The following STARD9 variants were observed in gnomAD, a reference collection of about 807,000 sequenced individuals.
STARD9 encodes StAR related lipid transfer domain containing 9.
Under a neutral mutation model 399.8 loss-of-function variants are expected in STARD9, and 346 were observed. That is an observed-to-expected ratio of 0.87 (90% confidence interval 0.79 to 0.95). The LOEUF (loss-of-function observed/expected upper bound fraction) is 0.95. Ranked by LOEUF, STARD9 falls within the 40% of genes least tolerant of loss-of-function variation. The pLI is 0.00. For missense variants in STARD9, 5,832 were observed against 5,667.5 expected, an observed-to-expected ratio of 1.03 and a Z score of -0.93; for synonymous variants, 2,203 against 2,143.5, an observed-to-expected ratio of 1.03 and a Z score of -0.77.
At chr15:42,639,877 A>G (rs996764131) in intron 7 of STARD9, among the ~76,000 whole-genome samples, 1 of 152,092 alleles carries the variant, frequency 6.6e-6, no homozygotes, top group African/African-American at 2.4e-5. Context: ...AAAAAAAAAA[A>G]AGTAATGTAT....
At chr15:42,594,758 G>A (rs1298105968) in intron 3 of STARD9, among the ~76,000 whole-genome samples, 1 of 152,130 alleles carries the variant, frequency 6.6e-6, no homozygotes, top group African/African-American at 2.4e-5. Flanking sequence ...TAGCATAACA[G>A]GTAATGTGCC....
At position 42,687,551 on chromosome 15, in the gene STARD9, A is replaced by C; in HGVS notation, c.5973A>C (p.Ser1991=). 1 of 1,537,066 alleles carries C rather than the reference A, an allele frequency of 6.5e-7. No individual in the cohort carries two copies. The highest frequency in any genetic ancestry group is 8.7e-7 in the Non-Finnish European group (1 of 1,146,882). ...AAGGTCTTCGTCCCAAAGATAGCTC[A>C]GAAGAGTTTAAGCTTCCAGGTACAA... ...LEKGLRPKDS[S]EEFKLPGTKP... is the part of the protein sequence containing the mutation. Residue 1991 remains serine (S), a synonymous_variant, in exon 23 of 33, where the codon TCA becomes TCC. Coordinates refer to ENST00000290607, the MANE Select transcript of STARD9 (RefSeq NM_020759.3).
intron 1 of STARD9, among the ~76,000 whole-genome samples, chr15:42,578,341 C>T (rs940696108): frequency 2.6e-5 from 4 of 152,000 alleles, no homozygotes; most frequent in African/African-American, 7.3e-5. Context: ...AAACTCCTGA[C>T]CTCACCTGCC....
rs1206108561 is a variant in STARD9 at position 42,717,021 on chromosome 15, G to C, written c.13467G>C (p.Lys4489Asn). 4.6e-6 allele frequency: 7 copies of C among 1,537,138 alleles called. No individual in the cohort carries two copies. In the Admixed American group the frequency reaches 5.9e-5, roughly 13 times the overall value. The part of the protein sequence containing the change: ...CFSSSYQDLA[K>N]HVVDTSMADV... Reference sequence around the variant, plus strand: ...CCTCCTCCTACCAGGATTTGGCCAAGCATGTCGTGGACACTTCTATGGCTG... The same window carrying C: ...CCTCCTCCTACCAGGATTTGGCCAACCATGTCGTGGACACTTCTATGGCTG... Residue 4489 changes from lysine to asparagine, a missense_variant, in exon 28 of 33, where the codon AAG (lysine) becomes AAC (asparagine). Transcript: ENST00000290607.
intron 3 of STARD9, among the ~76,000 whole-genome samples, chr15:42,616,646 C>CT (rs2058967909): frequency 6.6e-6 from 1 of 152,064 alleles, no homozygotes; most frequent in Non-Finnish European, 1.5e-5. Flanking sequence ...AATCCCAGCA[C>CT]TTTGGGGGGC....
At chr15:42,705,551 C>T (rs2061057806) in intron 26 of STARD9, among the ~76,000 whole-genome samples, 1 of 151,840 alleles carries the variant, frequency 6.6e-6, no homozygotes, top group African/African-American at 2.4e-5. Flanking sequence ...CTTCCTGGCT[C>T]AGCACTCCGA....
intron 26 of STARD9, among the ~76,000 whole-genome samples, chr15:42,701,759 C>G (rs562294931): frequency 6.6e-6 from 1 of 152,142 alleles, no homozygotes; most frequent in South Asian, 2.1e-4. Flanking sequence ...CTTTGGGAGG[C>G]TGAGGCAGGC....
rs1175322892 is a variant in STARD9, at chr15:42,690,597, A to C, written c.9019A>C (p.Met3007Leu). ...TGTAGTACCTTCCAGGGCCTATGAA[A>C]TGGATGAGACAGGAGAGATCTCTAG... The part of the protein sequence containing the change: ...PCVVPSRAYE[M>L]DETGEISRGP... The change falls in exon 23 of 33, where the codon ATG (methionine) becomes CTG (leucine). Residue 3007 changes from methionine to leucine, a missense_variant. Transcript: ENST00000290607. 6.5e-7 allele frequency: 1 copy of C among 1,537,240 alleles called. No homozygotes were observed.
Position 42,674,597 on chromosome 15 carries a change from G to C in STARD9, c.1549+106G>C, listed in dbSNP as rs527336262. 4 of 1,247,606 alleles carry C rather than the reference G, an allele frequency of 3.2e-6. No homozygotes were observed. The South Asian group carries it at 4.0e-5, about 13-fold the overall frequency. 77.3% of individuals were successfully genotyped at this position (1,247,606 alleles called of 1,614,324 possible). A position where few individuals can be genotyped will look rare whatever the true frequency, so the allele number is the denominator to read the frequency against. On this transcript the variant is annotated intron_variant, in intron 17 of 32. Transcript: ENST00000290607. ...CTCTGAGAAGAAGGGAATCATTGGCGTATTCAGGGCCTGCTTCTCTTTCTG... is the reference window on the plus strand; with the variant it reads ...CTCTGAGAAGAAGGGAATCATTGGCCTATTCAGGGCCTGCTTCTCTTTCTG...
rs572054615 is a variant in STARD9, at chr15:42,598,000, ATGTGTG to A, written c.234+12399_234+12404del. 1.8e-3 allele frequency among the ~76,000 whole-genome samples: 212 copies of A among 115,180 alleles called. 3 individuals carry two copies. The highest frequency in any genetic ancestry group is 5.1e-3 in the African/African-American group (149 of 29,116). The allele number at this position is 115,180 out of a possible 152,430, so 75.6% of individuals were successfully genotyped here. A position where few individuals can be genotyped will look rare whatever the true frequency, so the allele number is the denominator to read the frequency against. ...TGTGTGTGTGTGTTTGTATATATAT[ATGTGTG>A]TGTGTGTGTGTGTGTGTGTGTGTGT... On this transcript the variant is annotated intron_variant, in intron 3 of 32. Coordinates refer to ENST00000290607, the MANE Select transcript of STARD9 (RefSeq NM_020759.3).
In STARD9 at chr15:42,718,425, G is replaced by T; in HGVS notation, c.13763-10G>T. The T allele has an allele frequency of 6.5e-7, 1 of 1,535,940 alleles. No individual in the cohort carries two copies. The highest frequency in any genetic ancestry group is 8.7e-7 in the Non-Finnish European group (1 of 1,145,736). ...GGGCCTCCTGACCTTCCTTATCCCT[G>T]TCCCTCCAGTGTACTTGGTGTGCAA... On this transcript the variant is annotated splice_polypyrimidine_tract_variant and intron_variant, in intron 30 of 32. Transcript: ENST00000290607.
intron 3 of STARD9, among the ~76,000 whole-genome samples, chr15:42,625,960 C>T (rs1252991372): frequency 2.6e-5 from 4 of 152,004 alleles, no homozygotes; most frequent in Non-Finnish European, 4.4e-5. Flanking sequence ...CTAGTTCTGT[C>T]GCCCAGGCTG....
intron 26 of STARD9, among the ~76,000 whole-genome samples, chr15:42,709,863 T>C (rs752837000): frequency 1.6e-4 from 25 of 152,016 alleles, no homozygotes; most frequent in Non-Finnish European, 3.2e-4. Context: ...GGAACTTTTC[T>C]CTAAGAAAGT....
At chr15:42,717,234 C>G (rs1026989610) in intron 28 of STARD9, among the ~76,000 whole-genome samples, 186 bp downstream of exon 28, 2 of 152,030 alleles carry the variant, frequency 1.3e-5, no homozygotes, top group African/African-American at 2.4e-5. Flanking sequence ...CCTATAATCC[C>G]AACATTTTGG....
chr15:42,690,804 G>T lies in STARD9; in HGVS notation c.9226G>T (p.Asp3076Tyr). 1 of 1,537,260 alleles carries T rather than the reference G, an allele frequency of 6.5e-7. No homozygotes were observed. Residue 3076 changes from aspartate (D) to tyrosine (Y), a missense_variant, in exon 23 of 33, where the codon GAT (aspartate) becomes TAT (tyrosine). Asp to Tyr is a radical substitution (Grantham distance 160, BLOSUM62 -3). Transcript: ENST00000290607. ...AGGTTCCTTCAGCCACTCAGCTACT[G>T]ATGGAAGCGTGGGGTTAATAGGGGT... ...RTGSFSHSAT[D>Y]GSVGLIGVPE...
Position 42,687,536 on chromosome 15 carries a change from T to C in STARD9, c.5958T>C (p.Arg1986=). 2.0e-6 allele frequency: 3 copies of C among 1,536,958 alleles called. No individual in the cohort carries two copies. Among genetic ancestry groups the C allele is most frequent in the Non-Finnish European group, 2.6e-6 (3 of 1,146,852 alleles). Residue 1986 remains arginine, a synonymous_variant, in exon 23 of 33, where the codon CGT becomes CGC. Coordinates refer to ENST00000290607, the MANE Select transcript of STARD9 (RefSeq NM_020759.3). ...CTGGGCTTCTTGAAAAAGGTCTTCG[T>C]CCCAAAGATAGCTCAGAAGAGTTTA... is the stretch of plus-strand genomic sequence containing the variant. ...NETGLLEKGL[R]PKDSSEEFKL...
At chr15:42,587,183 GAAC>G (rs1203453513) in intron 3 of STARD9, among the ~76,000 whole-genome samples, 9 of 152,084 alleles carry the variant, frequency 5.9e-5, no homozygotes, top group Non-Finnish European at 1.2e-4. Flanking sequence ...TATGTCAAAG[GAAC>G]AACATTATCA....
At chr15:42,670,058 A>T (rs975676574) in intron 16 of STARD9, 1 of 152,044 alleles carries the variant, frequency 6.6e-6, no homozygotes, top group African/African-American at 2.4e-5. Flanking sequence ...CTCAAAAATA[A>T]ATAAATAAAA....
rs1191644572 is a variant in STARD9, at chr15:42,693,554, A to G, written c.11976A>G (p.Gln3992=). 17 of 1,537,126 alleles carry G rather than the reference A, an allele frequency of 1.1e-5. No individual in the cohort carries two copies. Among genetic ancestry groups the G allele is most frequent in the Admixed American group, 5.9e-5 (3 of 50,978 alleles). The change falls in exon 23 of 33, where the codon CAA becomes CAG. Residue 3992 remains glutamine (Q), a synonymous_variant. Coordinates refer to ENST00000290607, the MANE Select transcript of STARD9 (RefSeq NM_020759.3). ...GCCCACAGCAGAGTCCAAAACTCCA[A>G]TTTAGTTTCTTAGGGCAGCACCCTC... is the stretch of plus-strand genomic sequence containing the variant. ...PHSPQQSPKL[Q]FSFLGQHPQQ... is the part of the protein sequence containing the mutation.
Sources: allele counts gnomAD v4.1 joint callset (sites outside exome capture counted in the v4.1 genomes callset), GRCh38; gene constraint gnomAD v4.1.1; transcripts MANE v1.5; gene names NCBI Gene and HGNC (gene_info 2026-07-23, HGNC 2026-07-21).